The following PLEKHM1 variants were observed in gnomAD, a reference collection of about 807,000 sequenced individuals.
The protein encoded by PLEKHM1 is pleckstrin homology domain-containing family M member 1.
PLEKHM1 carries 28 observed loss-of-function variants against 94.3 expected under a neutral mutation model. The observed-to-expected ratio is 0.30, with a 90% confidence interval of 0.22 to 0.41. The LOEUF (loss-of-function observed/expected upper bound fraction) is 0.41, where lower values mean the gene tolerates loss of function less well. PLEKHM1 is among the 10% of genes least tolerant of loss of function. The probability of loss-of-function intolerance (pLI) is 1.00; values close to 1 mark genes in which losing one functional copy is unlikely to be tolerated. For missense variants in PLEKHM1, 907 were observed against 1,358.6 expected (o/e 0.67, Z 5.22); for synonymous variants, 424 against 581.2 (o/e 0.73, Z 3.89).
chr17:45,454,064 C>G lies in PLEKHM1; in HGVS notation c.1788G>C (p.Leu596=). 3 of 1,614,212 alleles carry G rather than the reference C, an allele frequency of 1.9e-6. No individual in the cohort carries two copies. Among genetic ancestry groups the G allele is most frequent in the Non-Finnish European group, 2.5e-6 (3 of 1,180,040 alleles). Residue 596 remains leucine, a synonymous_variant, in exon 7 of 12, where the codon CTG becomes CTC. Coordinates refer to ENST00000430334, the MANE Select transcript of PLEKHM1 (RefSeq NM_014798.3). Reference sequence around the variant, plus strand: ...GGGCCAGCTTCTTGCCAGAGAAGACCAGCTCAAAGCGCCCATCACTATGGG... The same window carrying G: ...GGGCCAGCTTCTTGCCAGAGAAGACGAGCTCAAAGCGCCCATCACTATGGG... ...GPAHSDGRFE[L]VFSGKKLALR...
chr17:45,439,494 C>T lies in PLEKHM1; in HGVS notation c.3042G>A (p.Glu1014=). Reference sequence around the variant, plus strand: ...CCGCATACCTGACTGTGGTGTCAAACTCAAAGGGGAAGATGATGTCGTGGT... The same window carrying T: ...CCGCATACCTGACTGTGGTGTCAAATTCAAAGGGGAAGATGATGTCGTGGT... The part of the protein sequence containing the change: ...CQHHDIIFPF[E]FDTTVRCAEC... Residue 1014 remains glutamate, a synonymous_variant, in exon 11 of 12, where the codon GAG becomes GAA. Transcript: ENST00000430334. 1 of 1,614,202 alleles carries T rather than the reference C, an allele frequency of 6.2e-7. No individual in the cohort carries two copies. The highest frequency in any genetic ancestry group is 8.5e-7 in the Non-Finnish European group (1 of 1,180,050).
chr17:45,483,540 C>T (rs1029648530), intron 1 of PLEKHM1, among the ~76,000 whole-genome samples: 5 of 151,734 alleles, frequency 3.3e-5, no homozygotes, highest in African/African-American at 1.2e-4. Flanking sequence ...GCCAGGCAGG[C>T]ACATTCACAC....
intron 4 of PLEKHM1, among the ~76,000 whole-genome samples, chr17:45,471,750 C>T (rs540939258): frequency 2.6e-5 from 4 of 152,094 alleles, no homozygotes; most frequent in South Asian, 2.1e-4. Flanking sequence ...AGCGAGACTC[C>T]GTTTCAAAAA....
At chr17:45,475,787 A>G in intron 3 of PLEKHM1, 61 bp from the exon 4 acceptor site, 1 of 1,498,262 alleles carries the variant, frequency 6.7e-7, no homozygotes, top group African/African-American at 1.4e-5. Flanking sequence ...ATGTGCTTTT[A>G]TCCACTGGTT....
chr17:45,477,064 T>C (rs1349763526), intron 3 of PLEKHM1: 1 of 152,256 alleles, frequency 6.6e-6, no homozygotes, highest in Non-Finnish European at 1.5e-5. Context: ...TGGCATTTAG[T>C]AGTCCTCAGA....
intron 1 of PLEKHM1, among the ~76,000 whole-genome samples, chr17:45,488,036 A>G (rs968188005): frequency 6.6e-6 from 1 of 152,238 alleles, no homozygotes; most frequent in African/African-American, 2.4e-5. Context: ...CCACCTGAGG[A>G]AAGCTGGATT....
intron 3 of PLEKHM1, 188 bp downstream of exon 3, chr17:45,477,712 C>A: frequency 1.5e-6 from 1 of 668,456 alleles, no homozygotes; most frequent in Non-Finnish European, 2.6e-6. Flanking sequence ...TCTGCTGGCA[C>A]ACTGGCTGGG....
intron 4 of PLEKHM1, among the ~76,000 whole-genome samples, chr17:45,471,115 A>G (rs55652155): frequency 0.13 from 19,666 of 152,074 alleles, 1,598 homozygotes; most frequent in Middle Eastern, 0.21. Context: ...CAAATAACTA[A>G]ATGTTTAAAT....
chr17:45,441,505 G>T (rs1242102662), intron 9 of PLEKHM1, among the ~76,000 whole-genome samples: 1 of 152,168 alleles, frequency 6.6e-6, no homozygotes, highest in Non-Finnish European at 1.5e-5. Flanking sequence ...ACAGCAGGCT[G>T]GGGGGACACA....
intron 7 of PLEKHM1, among the ~76,000 whole-genome samples, chr17:45,451,399 C>A (rs1256762654): frequency 1.3e-5 from 2 of 152,044 alleles, no homozygotes; most frequent in Non-Finnish European, 2.9e-5. Flanking sequence ...GTGGGATGTG[C>A]CCTGGGCAAA....
intron 1 of PLEKHM1, among the ~76,000 whole-genome samples, chr17:45,485,938 A>C (rs112275793): frequency 0.14 from 20,113 of 146,550 alleles, 1,608 homozygotes; most frequent in Middle Eastern, 0.23. Flanking sequence ...AATTTATGGC[A>C]TGGCGCCGTG....
chr17:45,483,194 A>G (rs1336269605), intron 1 of PLEKHM1, among the ~76,000 whole-genome samples: 3 of 152,062 alleles, frequency 2.0e-5, no homozygotes, highest in Non-Finnish European at 4.4e-5. Flanking sequence ...CTAACCAGGT[A>G]GGCATGCTCA....
intron 8 of PLEKHM1, 131 bp downstream of exon 8, chr17:45,450,487 G>T: frequency 7.0e-7 from 1 of 1,436,654 alleles, no homozygotes; most frequent in Non-Finnish European, 9.6e-7. Flanking sequence ...ACATCACAGT[G>T]CCTGAACCAG....
At chr17:45,448,668 A>G (rs544162569) in intron 8 of PLEKHM1, among the ~76,000 whole-genome samples, 1 of 152,328 alleles carries the variant, frequency 6.6e-6, no homozygotes, top group Admixed American at 6.5e-5. Flanking sequence ...ACAGGCACAC[A>G]CTGCCACACC....
rs200261737 is a variant in PLEKHM1, at chr17:45,439,514, C to A, written c.3022G>T (p.Asp1008Tyr). The A allele has an allele frequency of 6.2e-7, 1 of 1,614,192 alleles. No individual in the cohort carries two copies. Among genetic ancestry groups the A allele is most frequent in the East Asian group, 2.2e-5 (1 of 44,880 alleles). Residue 1008 changes from aspartate (D) to tyrosine (Y), a missense_variant, in exon 11 of 12, where the codon GAC (aspartate) becomes TAC (tyrosine). Physicochemically the swap from Asp to Tyr is radical, Grantham distance 160. This residue lies in a region of PLEKHM1 where 254 missense variants were observed against 451.1 expected (regional missense o/e 0.56). Coordinates refer to ENST00000430334, the MANE Select transcript of PLEKHM1 (RefSeq NM_014798.3). ...GFICQICQHH[D>Y]IIFPFEFDTT... ...TCAAACTCAAAGGGGAAGATGATGT[C>A]GTGGTGCTGGCAGATCTGGCAGATG...
At position 45,468,462 on chromosome 17, in the gene PLEKHM1, C is replaced by G. The variant is rs151255553; in HGVS notation, c.1055G>C (p.Cys352Ser). 9.3e-6 allele frequency: 15 copies of G among 1,614,124 alleles called. No homozygotes were observed. The highest frequency in any genetic ancestry group is 1.3e-5 in the Non-Finnish European group (15 of 1,180,054). Residue 352 changes from cysteine to serine, a missense_variant, in exon 5 of 12, where the codon TGT becomes TCT. Around this residue, in one of 3 missense-constraint regions of PLEKHM1, gnomAD observed 477 missense variants for 601.5 expected, o/e 0.79. Transcript: ENST00000430334. Reference protein sequence around the residue: ...HGLNTSTYLHCEAPAEPLPAQ... With the variant: ...HGLNTSTYLHSEAPAEPLPAQ... ...AGGAAGGGGCTCTGCAGGTGCCTCA[C>G]AGTGCAGGTATGTGCTGGTGTTGAG...
At position 45,436,756 on chromosome 17, in the gene PLEKHM1, T is replaced by C; in HGVS notation, c.*1102A>G. The C allele has an allele frequency of 2.2e-6, 1 of 454,088 alleles. No homozygotes were observed. Among genetic ancestry groups the C allele is most frequent in the African/African-American group, 2.0e-5 (1 of 50,122 alleles). The allele number at this position is 454,088 out of a possible 1,614,324, so 28.1% of individuals were successfully genotyped here. On this transcript the variant is annotated 3_prime_UTR_variant, in exon 12 of 12. Coordinates refer to ENST00000430334, the MANE Select transcript of PLEKHM1 (RefSeq NM_014798.3). The stretch of plus-strand genomic sequence containing the variant: ...CCCGGCTGGGCAAGTTCAGTGATGC[T>C]TTGGGAATTCATGGCTTTGTGAGGT...
At chr17:45,439,887 C>T in intron 10 of PLEKHM1, 1 of 646,510 alleles carries the variant, frequency 1.5e-6, no homozygotes, top group South Asian at 1.8e-5. Context: ...GACCCAAATT[C>T]ACTGTACCCT....
intron 5 of PLEKHM1, among the ~76,000 whole-genome samples, chr17:45,467,251 A>G (rs1174974142): frequency 1.3e-5 from 2 of 152,190 alleles, no homozygotes; most frequent in African/African-American, 4.8e-5. Flanking sequence ...CCAGCCCCCA[A>G]ATATTTTCAT....
Sources: allele counts gnomAD v4.1 joint callset (sites outside exome capture counted in the v4.1 genomes callset), GRCh38; gene constraint gnomAD v4.1.1; regional missense constraint gnomAD v4.1.1; transcripts MANE v1.5; gene names NCBI Gene and HGNC (gene_info 2026-07-23, HGNC 2026-07-21).